Variants in MACROD2 observed in about 807,000 individuals in gnomAD.
The protein encoded by MACROD2 is mono-ADP ribosylhydrolase 2.
In MACROD2, 36 loss-of-function variants were observed where a neutral mutation model predicts 70.4. That is an observed-to-expected ratio of 0.51 (90% CI 0.39 to 0.68). The LOEUF (loss-of-function observed/expected upper bound fraction) is 0.68. Ranked by LOEUF, MACROD2 falls within the 30% of genes least tolerant of loss-of-function variation. The probability of loss-of-function intolerance (pLI) is 0.00; values close to 1 mark genes in which losing one functional copy is unlikely to be tolerated. For synonymous variants in MACROD2, 172 were observed against 178.8 expected, an observed-to-expected ratio of 0.96 and a Z score of 0.30; for missense variants, 496 against 538.4, an observed-to-expected ratio of 0.92 and a Z score of 0.78.
At chr20:15,295,651 G>A (rs1171316556) in intron 6 of MACROD2, among the ~76,000 whole-genome samples, 1 of 143,550 alleles carries the variant, frequency 7.0e-6, no homozygotes, top group Non-Finnish European at 1.6e-5. Context: ...CAGACCTTAA[G>A]TGTGTCTTAT....
intron 5 of MACROD2, among the ~76,000 whole-genome samples, chr20:14,869,855 G>A (rs1382916583): frequency 1.3e-5 from 2 of 152,102 alleles, no homozygotes; most frequent in African/African-American, 2.4e-5. Context: ...GAGATTTTAT[G>A]TCTCGTTCAC....
chr20:14,972,063 C>T (rs1307845952), intron 5 of MACROD2, among the ~76,000 whole-genome samples: 1 of 152,214 alleles, frequency 6.6e-6, no homozygotes, highest in African/African-American at 2.4e-5. Context: ...TACTCCTCTA[C>T]CCTCACTATC....
intron 5 of MACROD2, among the ~76,000 whole-genome samples, chr20:14,842,581 A>C (rs866289622): frequency 1.3e-5 from 2 of 152,118 alleles, no homozygotes; most frequent in Non-Finnish European, 2.9e-5. Context: ...GGCAGATATA[A>C]TAGCTTTAAA....
chr20:14,928,088 A>G (rs574667299), intron 5 of MACROD2, among the ~76,000 whole-genome samples: 5 of 152,354 alleles, frequency 3.3e-5, no homozygotes, highest in African/African-American at 1.2e-4. Context: ...TTAAGCAGAA[A>G]CATGGACGCC....
intron 3 of MACROD2, among the ~76,000 whole-genome samples, chr20:14,192,716 C>T (rs1243426796): frequency 1.3e-5 from 2 of 152,114 alleles, no homozygotes; most frequent in Non-Finnish European, 2.9e-5. Context: ...ATAAACTGCT[C>T]GTTGATCTCT....
chr20:15,033,950 A>G (rs963326158), intron 5 of MACROD2, among the ~76,000 whole-genome samples: 2 of 152,222 alleles, frequency 1.3e-5, no homozygotes, highest in African/African-American at 4.8e-5. Flanking sequence ...TTCAGACGGC[A>G]AATGATAGTC....
At chr20:14,136,377 A>C (rs2054798237) in intron 3 of MACROD2, among the ~76,000 whole-genome samples, 1 of 152,172 alleles carries the variant, frequency 6.6e-6, no homozygotes, top group Non-Finnish European at 1.5e-5. Flanking sequence ...GCCGAGACAG[A>C]CCTAGATGTA....
chr20:15,761,704 A>T lies in MACROD2; in HGVS notation c.646-101041A>T, dbSNP rs77991247. 1.6e-3 allele frequency among the ~76,000 whole-genome samples: 244 copies of T among 152,334 alleles called. 2 individuals carry two copies. In the East Asian group the frequency reaches 0.035, roughly 22 times the overall value. The stretch of plus-strand genomic sequence containing the variant: ...TTTTACAGAAGATCCAATCCAGAAA[A>T]GCTAGAGCGCTTTTCCCCAAAATAT... On this transcript the variant is annotated intron_variant, in intron 8 of 17. Coordinates refer to ENST00000684519, the MANE Select transcript of MACROD2 (RefSeq NM_001351661.2).
intron 6 of MACROD2, among the ~76,000 whole-genome samples, chr20:15,354,490 T>G (rs2078264321): frequency 1.3e-5 from 2 of 152,182 alleles, no homozygotes; most frequent in African/African-American, 4.8e-5. Flanking sequence ...CCCTAAAACT[T>G]AAAGTATAAT....
At chr20:14,406,143 C>T (rs2083688429) in intron 3 of MACROD2, among the ~76,000 whole-genome samples, 1 of 152,048 alleles carries the variant, frequency 6.6e-6, no homozygotes, top group African/African-American at 2.4e-5. Flanking sequence ...AAATTTGCTC[C>T]TCTCTGACCT....
intron 6 of MACROD2, among the ~76,000 whole-genome samples, chr20:15,297,461 C>T (rs933696789): frequency 3.9e-5 from 6 of 152,158 alleles, no homozygotes; most frequent in African/African-American, 1.4e-4. Context: ...AATTTACTAG[C>T]AAAGAGGGCC....
At chr20:15,053,809 C>T (rs781402525) in intron 5 of MACROD2, among the ~76,000 whole-genome samples, 9 of 152,156 alleles carry the variant, frequency 5.9e-5, no homozygotes, top group Non-Finnish European at 1.2e-4. Context: ...GGGCAAAGAA[C>T]ATTGAAAACC....
At position 15,330,630 on chromosome 20, in the gene MACROD2, G is replaced by GA. The variant is rs113534493; in HGVS notation, c.540+100578dup. 2.6e-3 allele frequency among the ~76,000 whole-genome samples: 396 copies of GA among 150,668 alleles called. 3 individuals carry two copies. Among genetic ancestry groups the GA allele is most frequent in the Non-Finnish European group, 4.0e-3 (269 of 67,712 alleles). On this transcript the variant is annotated intron_variant, in intron 6 of 17. Coordinates refer to ENST00000684519, the MANE Select transcript of MACROD2 (RefSeq NM_001351661.2). Reference sequence around the variant, plus strand: ...AACTGATGTTAGATGATCACAGCAAGAAAAAAAAATGTGCCAAAGCTAATT... The same window carrying GA: ...AACTGATGTTAGATGATCACAGCAAGAAAAAAAAAATGTGCCAAAGCTAATT...
chr20:15,786,059 T>G (rs2051920824), intron 8 of MACROD2, among the ~76,000 whole-genome samples: 1 of 151,202 alleles, frequency 6.6e-6, no homozygotes, highest in Non-Finnish European at 1.5e-5. Context: ...TGGCATAACA[T>G]AAAAGCGTTA....
At chr20:15,847,909 G>T (rs2064251966) in intron 8 of MACROD2, among the ~76,000 whole-genome samples, 1 of 152,020 alleles carries the variant, frequency 6.6e-6, no homozygotes, top group Non-Finnish European at 1.5e-5. Flanking sequence ...AAAAAAGACT[G>T]TCTTACTACA....
At chr20:15,071,883 T>C (rs2075621585) in intron 5 of MACROD2, among the ~76,000 whole-genome samples, 1 of 152,176 alleles carries the variant, frequency 6.6e-6, no homozygotes, top group Non-Finnish European at 1.5e-5. Flanking sequence ...AACATATTTT[T>C]GTATGCATTT....
chr20:15,490,278 T>C (rs924595572), intron 7 of MACROD2, among the ~76,000 whole-genome samples: 2 of 149,554 alleles, frequency 1.3e-5, no homozygotes, highest in African/African-American at 4.9e-5. Flanking sequence ...TCTCTCTTTC[T>C]TTCTTTCCTT....
intron 3 of MACROD2, among the ~76,000 whole-genome samples, chr20:14,320,720 CT>C (rs2082652462): frequency 7.4e-6 from 1 of 135,364 alleles, no homozygotes; most frequent in Non-Finnish European, 1.5e-5. Flanking sequence ...CATCTGGGAG[CT>C]TTTAATTTAG....
intron 3 of MACROD2, among the ~76,000 whole-genome samples, chr20:14,444,449 A>C (rs975223814): frequency 1.3e-5 from 2 of 151,926 alleles, no homozygotes; most frequent in African/African-American, 4.8e-5. Context: ...TCTGTTCCTT[A>C]TCAGTTTTTT....
Sources: allele counts gnomAD v4.1 joint callset (sites outside exome capture counted in the v4.1 genomes callset), GRCh38; gene constraint gnomAD v4.1.1; transcripts MANE v1.5; gene names NCBI Gene and HGNC (gene_info 2026-07-23, HGNC 2026-07-21).